HYCC2: variants seen among roughly 807,000 people sequenced by gnomAD.
The protein encoded by HYCC2 is hyccin 2.
chr2:201,064,346 T>C, the HYCC2 span, among the ~76,000 whole-genome samples: 97 of 148,686 alleles, frequency 6.5e-4, no homozygotes, highest in African/African-American at 1.3e-3. Flanking sequence ...TTGCTAAATG[T>C]AATAGTCTGA....
chr2:201,020,143 C>A, the HYCC2 span, among the ~76,000 whole-genome samples: 4 of 152,214 alleles, frequency 2.6e-5, no homozygotes, highest in Middle Eastern at 3.4e-3. Flanking sequence ...TGTCTCATAG[C>A]AAGCACCATG....
chr2:201,029,433 A>G, the HYCC2 span, among the ~76,000 whole-genome samples: 2 of 152,244 alleles, frequency 1.3e-5, no homozygotes, highest in Non-Finnish European at 2.9e-5. Context: ...TACTGGGTAT[A>G]TACCCAAAAG....
chr2:201,042,173 G>A, the HYCC2 span, among the ~76,000 whole-genome samples: 1 of 152,218 alleles, frequency 6.6e-6, no homozygotes, highest in Non-Finnish European at 1.5e-5. Context: ...GGCCGGGCTG[G>A]TCTCCAGCTC....
chr2:201,028,542 C>G, the HYCC2 span, among the ~76,000 whole-genome samples: 1 of 152,194 alleles, frequency 6.6e-6, no homozygotes, highest in Admixed American at 6.5e-5. Flanking sequence ...CTGGAGGCAT[C>G]ACACTACCTG....
the HYCC2 span, among the ~76,000 whole-genome samples, chr2:201,012,670 C>T: frequency 1.3e-5 from 2 of 151,904 alleles, no homozygotes; most frequent in Non-Finnish European, 2.9e-5. Flanking sequence ...TGCAGTCAGG[C>T]GTGGTGGCTC....
At chr2:200,975,658 T>C in the HYCC2 span, 2 of 152,132 alleles carry the variant, frequency 1.3e-5, no homozygotes, top group Admixed American at 6.5e-5. Flanking sequence ...TTCTGTACTA[T>C]GCTGCCAGTT....
the HYCC2 span, among the ~76,000 whole-genome samples, chr2:201,008,288 A>T: frequency 1.3e-4 from 20 of 152,354 alleles, no homozygotes; most frequent in African/African-American, 4.6e-4. Context: ...GTACTAGAAT[A>T]TGAATCCTGG....
chr2:200,985,648 T>A, the HYCC2 span, among the ~76,000 whole-genome samples: 1 of 152,046 alleles, frequency 6.6e-6, no homozygotes, highest in African/African-American at 2.4e-5. Context: ...GCGACGTGAG[T>A]GAGATCCTGC....
chr2:201,023,014 G>T, the HYCC2 span: 1 of 897,400 alleles, frequency 1.1e-6, no homozygotes, highest in East Asian at 2.5e-5. Context: ...TTCTTGAACA[G>T]ATTTATAACA....
chr2:201,031,894 T>G, the HYCC2 span, among the ~76,000 whole-genome samples: 9 of 152,210 alleles, frequency 5.9e-5, no homozygotes, highest in African/African-American at 2.2e-4. Context: ...TTTGAAAATA[T>G]TTCCCAGCTA....
At chr2:201,034,195 T>A in the HYCC2 span, among the ~76,000 whole-genome samples, 1 of 152,136 alleles carries the variant, frequency 6.6e-6, no homozygotes, top group Non-Finnish European at 1.5e-5. Flanking sequence ...ATACTACTAG[T>A]TTTAAGACAG....
chr2:201,010,274 A>T, the HYCC2 span, among the ~76,000 whole-genome samples: 3 of 152,216 alleles, frequency 2.0e-5, no homozygotes, highest in Non-Finnish European at 2.9e-5. Context: ...TAAACACAAA[A>T]CAAAGTCCCA....
chr2:200,990,596 G>A, the HYCC2 span, among the ~76,000 whole-genome samples: 2 of 148,460 alleles, frequency 1.3e-5, no homozygotes, highest in South Asian at 4.2e-4. Context: ...TTTTTCAAAT[G>A]GGGTCTCACT....
At chr2:201,040,484 A>C in the HYCC2 span, among the ~76,000 whole-genome samples, 265 of 147,154 alleles carry the variant, frequency 1.8e-3, 2 homozygotes, top group Middle Eastern at 3.5e-3. Context: ...TGAATCTCAT[A>C]ATTTTTTTTT....
At chr2:201,025,621 A>G in the HYCC2 span, among the ~76,000 whole-genome samples, 1 of 152,176 alleles carries the variant, frequency 6.6e-6, no homozygotes, top group East Asian at 1.9e-4. Flanking sequence ...CATTCTAGGA[A>G]GAGGGAACCA....
At chr2:201,029,580 CATGGAATACT>C in the HYCC2 span, among the ~76,000 whole-genome samples, 1 of 152,074 alleles carries the variant, frequency 6.6e-6, no homozygotes, top group Non-Finnish European at 1.5e-5. Context: ...ACATATATAC[CATGGAATACT>C]ATGCAGCCAT....
At chr2:201,024,548 T>A in the HYCC2 span, among the ~76,000 whole-genome samples, 1 of 152,106 alleles carries the variant, frequency 6.6e-6, no homozygotes, top group African/African-American at 2.4e-5. Flanking sequence ...ATTATCCTAA[T>A]GCTTTCATAT....
At chr2:201,047,890 C>CAAA in the HYCC2 span, among the ~76,000 whole-genome samples, 16 of 67,900 alleles carry the variant, frequency 2.4e-4, no homozygotes, top group African/African-American at 6.2e-4. Flanking sequence ...TTAAAATTTG[C>CAAA]AAAAAAAAAA....
chr2:201,036,712 C>T, the HYCC2 span, among the ~76,000 whole-genome samples: 2 of 152,184 alleles, frequency 1.3e-5, no homozygotes, highest in Non-Finnish European at 2.9e-5. Context: ...ATGCTAAAAA[C>T]TCTCAATAAA....
Sources: allele counts gnomAD v4.1 joint callset (sites outside exome capture counted in the v4.1 genomes callset), GRCh38; gene constraint gnomAD v4.1.1; transcripts MANE v1.5; gene names NCBI Gene and HGNC (gene_info 2026-07-23, HGNC 2026-07-21).